Variants in DDX11 observed in about 807,000 individuals in gnomAD.
DDX11 encodes the protein DEAD/H-box helicase 11, also known as ATP-dependent DNA helicase DDX11.
A neutral mutation model predicts 125.2 loss-of-function variants in DDX11; 72 were observed. The ratio of observed to expected loss-of-function variants is 0.58; its 90% confidence interval spans 0.48 to 0.70. The LOEUF is 0.70. DDX11 is among the 30% of genes least tolerant of loss of function. DDX11 has a pLI of 0.00. For missense variants in DDX11, 883 were observed against 1,165.0 expected, an observed-to-expected ratio of 0.76 and a Z score of 3.52; for synonymous variants, 347 against 452.6, an observed-to-expected ratio of 0.77 and a Z score of 2.96.
At chr12:31,074,796 T>C (rs1940465735) in intron 1 of DDX11, among the ~76,000 whole-genome samples, 1 of 152,202 alleles carries the variant, frequency 6.6e-6, no homozygotes, top group East Asian at 1.9e-4. Flanking sequence ...AGTTAAAACA[T>C]TTTAGGGCCA....
chr12:31,080,908 C>A lies in DDX11; in HGVS notation c.144+2371C>A, dbSNP rs150851196. Among the ~76,000 whole-genome samples the A allele has an allele frequency of 9.1e-3, 1,386 of 152,244 alleles. 26 individuals are homozygous for A. The highest frequency in any genetic ancestry group is 0.031 in the African/African-American group (1,307 of 41,524). On this transcript the variant is annotated intron_variant, in intron 2 of 26. Transcript: ENST00000542838. The stretch of plus-strand genomic sequence containing the variant: ...TACAGGTGTGCACCATCACACCTAG[C>A]TAATTTTTTAATTTGTAGAAATGAG...
At chr12:31,097,699 G>C (rs1007942765) in intron 17 of DDX11, among the ~76,000 whole-genome samples, 186 bp from the exon 18 acceptor site, 1 of 123,886 alleles carries the variant, frequency 8.1e-6, no homozygotes, top group African/African-American at 3.3e-5. Flanking sequence ...AAAAAAAAAG[G>C]ATGGAGAGGA....
At chr12:31,084,714 T>C (rs1422099104) in intron 4 of DDX11, 45 bp downstream of exon 4, 1 of 1,547,250 alleles carries the variant, frequency 6.5e-7, no homozygotes. Flanking sequence ...CAGGCAGGGT[T>C]GCTCTGCTTG....
Position 31,073,862 on chromosome 12 carries a change from T to A in DDX11, c.-234T>A, listed in dbSNP as rs917440958. The A allele has an allele frequency of 6.6e-6, 1 of 152,216 alleles. No individual in the cohort carries two copies. Among genetic ancestry groups the A allele is most frequent in the Non-Finnish European group, 1.5e-5 (1 of 68,030 alleles). The allele number at this position is 152,216 out of a possible 1,614,324, so 9.4% of individuals were successfully genotyped here. On this transcript the variant is annotated 5_prime_UTR_variant, in exon 1 of 27. Transcript: ENST00000542838. Reference sequence around the variant, plus strand: ...AGTGCGCATGCGCAGCGGCGGGGGTTGTTCCGGCTGCCTTTCACTGAGGGG... The same window carrying A: ...AGTGCGCATGCGCAGCGGCGGGGGTAGTTCCGGCTGCCTTTCACTGAGGGG...
intron 1 of DDX11, among the ~76,000 whole-genome samples, chr12:31,077,566 G>A (rs1940911149): frequency 6.6e-6 from 1 of 152,106 alleles, no homozygotes; most frequent in Non-Finnish European, 1.5e-5. Context: ...AGGACGTGTA[G>A]GCCGGGTGCG....
At chr12:31,091,934 C>T in intron 10 of DDX11, 63 bp downstream of exon 10, 2 of 1,607,298 alleles carry the variant, frequency 1.2e-6, no homozygotes, top group African/African-American at 1.3e-5. Context: ...TGGATGGTTC[C>T]TCCAGACACC....
At position 31,100,803 on chromosome 12, in the gene DDX11, C is replaced by T. The variant is rs561965537; in HGVS notation, c.1948+96C>T. 4.9e-5 allele frequency: 68 copies of T among 1,384,446 alleles called. No homozygotes were observed. The East Asian group carries it at 1.5e-3, about 32-fold the overall frequency. The allele number at this position is 1,384,446 out of a possible 1,614,324, so 85.8% of individuals were successfully genotyped here. A position where few individuals can be genotyped will look rare whatever the true frequency, so the allele number is the denominator to read the frequency against. ...CTCATACTGCGACCAGGCACAGGGG[C>T]GGAGGAGACCCCGGGGTGGGAGCCT... On this transcript the variant is annotated intron_variant, in intron 19 of 26. Transcript: ENST00000542838.
At chr12:31,103,239 C>T in intron 24 of DDX11, 78 bp from the exon 25 acceptor site, 1 of 1,564,354 alleles carries the variant, frequency 6.4e-7, no homozygotes, top group Non-Finnish European at 8.7e-7. Context: ...GGTCTGGCTC[C>T]AAAGCCTGGC....
At chr12:31,089,792 G>T in intron 8 of DDX11, 94 bp from the exon 9 acceptor site, 5 of 1,551,518 alleles carry the variant, frequency 3.2e-6, no homozygotes, top group African/African-American at 2.7e-5. Flanking sequence ...CCTACCCCAT[G>T]GAAGTGGGTC....
rs762300288 is a variant in DDX11 at position 31,089,535 on chromosome 12, G to C, written c.880+45G>C. ...TGTAGCCGCAGGTGGTCTGGAGAGA[G>C]TGAGGCAGGGGTGGCAGTGACTGAA... On this transcript the variant is annotated intron_variant, in intron 8 of 26. Coordinates refer to ENST00000542838, the MANE Select transcript of DDX11 (RefSeq NM_030653.4). 30 of 1,578,278 alleles carry C rather than the reference G, an allele frequency of 1.9e-5. No individual in the cohort carries two copies. The South Asian group carries it at 3.3e-4, about 17-fold the overall frequency.
rs1262634509 is a variant in DDX11 at position 31,092,991 on chromosome 12, G to A, written c.1289+99G>A. 50 of 1,407,586 alleles carry A rather than the reference G, an allele frequency of 3.6e-5. No homozygotes were observed. The East Asian group carries it at 5.3e-4, about 15-fold the overall frequency. The allele number at this position is 1,407,586 out of a possible 1,614,324, so 87.2% of individuals were successfully genotyped here. A position where few individuals can be genotyped will look rare whatever the true frequency, so the allele number is the denominator to read the frequency against. ...GCACTTTGGTTCCCACCTCTGGCCC[G>A]GGCTGTGGCGGGGTGGAGCTGCATG... On this transcript the variant is annotated intron_variant, in intron 11 of 26. Coordinates refer to ENST00000542838, the MANE Select transcript of DDX11 (RefSeq NM_030653.4).
rs753630969 is a variant in DDX11, at chr12:31,102,903, T to C, written c.2373-33T>C. ...GGTGATGACCCGGGAGGTCCTGACG[T>C]CCACCTGCTGGGCTCTTGTCTCCCC... On this transcript the variant is annotated intron_variant, in intron 23 of 26. Coordinates refer to ENST00000542838, the MANE Select transcript of DDX11 (RefSeq NM_030653.4). 1.3e-5 allele frequency: 21 copies of C among 1,609,618 alleles called. No homozygotes were observed. In the Admixed American group the frequency reaches 3.5e-4, roughly 27 times the overall value.
At chr12:31,076,343 G>A (rs1437706535) in intron 1 of DDX11, among the ~76,000 whole-genome samples, 2 of 152,162 alleles carry the variant, frequency 1.3e-5, no homozygotes, top group Non-Finnish European at 2.9e-5. Flanking sequence ...TGCTGGTGAC[G>A]TTCCTGGAGC....
chr12:31,083,917 C>T lies in DDX11; in HGVS notation c.249C>T (p.Pro83=). 5.0e-6 allele frequency: 8 copies of T among 1,613,940 alleles called. No homozygotes were observed. Among genetic ancestry groups the T allele is most frequent in the Non-Finnish European group, 6.8e-6 (8 of 1,179,880 alleles). ...GACTCCTTGAAACTGGAACTGGCCCCTTACATGATGAGAAAGATGAATCCC... is the reference window on the plus strand; with the variant it reads ...GACTCCTTGAAACTGGAACTGGCCCTTTACATGATGAGAAAGATGAATCCC... ...EARLLETGTG[P]LHDEKDESLC... The change falls in exon 3 of 27, where the codon CCC becomes CCT. Residue 83 remains proline (P), a synonymous_variant. Coordinates refer to ENST00000542838, the MANE Select transcript of DDX11 (RefSeq NM_030653.4).
chr12:31,098,116 G>C (rs1309680572), intron 18 of DDX11, 119 bp downstream of exon 18: 1 of 666,266 alleles, frequency 1.5e-6, no homozygotes, highest in African/African-American at 1.8e-5. Flanking sequence ...GGGTCAGCTC[G>C]AGCAGGCCCA....
intron 2 of DDX11, among the ~76,000 whole-genome samples, 160 bp from the exon 3 acceptor site, chr12:31,083,653 T>G (rs1326616367): frequency 1.3e-5 from 2 of 152,204 alleles, no homozygotes; most frequent in African/African-American, 2.4e-5. Context: ...TCCTGGCTAT[T>G]CTAGTGCTAA....
rs746473485 is a variant in DDX11, at chr12:31,104,439, C to G, written c.*603C>G. 198 of 209,080 alleles carry G rather than the reference C, an allele frequency of 9.5e-4. No homozygotes were observed. Among genetic ancestry groups the G allele is most frequent in the Admixed American group, 3.3e-3 (63 of 19,174 alleles). 13.0% of individuals were successfully genotyped at this position (209,080 alleles called of 1,614,324 possible). A position where few individuals can be genotyped will look rare whatever the true frequency, so the allele number is the denominator to read the frequency against. ...TGTATCCTTGGCTTCGTGCCAGTTC[C>G]TCCAAGTCTATGGCACCTCCCTCCC... On this transcript the variant is annotated 3_prime_UTR_variant, in exon 27 of 27. Coordinates refer to ENST00000542838, the MANE Select transcript of DDX11 (RefSeq NM_030653.4).
chr12:31,073,947 T>C lies in DDX11; in HGVS notation c.-149T>C, dbSNP rs1263984262. On this transcript the variant is annotated 5_prime_UTR_variant, in exon 1 of 27. Coordinates refer to ENST00000542838, the MANE Select transcript of DDX11 (RefSeq NM_030653.4). Reference sequence around the variant, plus strand: ...GATTCCCGGGGCCTGGCTTTCAGCGTAGCAATTCTGCCGGCGAAGAAGGTG... The same window carrying C: ...GATTCCCGGGGCCTGGCTTTCAGCGCAGCAATTCTGCCGGCGAAGAAGGTG... The C allele has an allele frequency of 1.3e-5, 2 of 152,246 alleles. No homozygotes were observed. The highest frequency in any genetic ancestry group is 6.5e-5 in the Admixed American group (1 of 15,288). The allele number at this position is 152,246 out of a possible 1,614,324, so 9.4% of individuals were successfully genotyped here.
chr12:31,104,035 C>T lies in DDX11; in HGVS notation c.*199C>T. On this transcript the variant is annotated 3_prime_UTR_variant, in exon 27 of 27. Transcript: ENST00000542838. ...AGAAAATGGGGGAATCCTGAATGAACAGTGGGTCCTGGCTGTCCTTGGGGC... is the reference window on the plus strand; with the variant it reads ...AGAAAATGGGGGAATCCTGAATGAATAGTGGGTCCTGGCTGTCCTTGGGGC... 1.3e-6 allele frequency: 2 copies of T among 1,550,714 alleles called. No homozygotes were observed. Among genetic ancestry groups the T allele is most frequent in the African/African-American group, 1.4e-5 (1 of 73,144 alleles).
Sources: allele counts gnomAD v4.1 joint callset (sites outside exome capture counted in the v4.1 genomes callset), GRCh38; gene constraint gnomAD v4.1.1; transcripts MANE v1.5; gene names NCBI Gene and HGNC (gene_info 2026-07-23, HGNC 2026-07-21).